LRFN5: variants seen among roughly 807,000 people sequenced by gnomAD.
The protein encoded by LRFN5 is leucine rich repeat and fibronectin type III domain containing 5.
LRFN5 carries 24 observed loss-of-function variants against 45.6 expected under a neutral mutation model. The ratio of observed to expected loss-of-function variants is 0.53; its 90% CI spans 0.38 to 0.74. LRFN5 has a LOEUF of 0.74. LRFN5 is among the 30% of genes least tolerant of loss of function. The pLI, the probability that LRFN5 is intolerant of heterozygous loss-of-function variation, is 0.00. For missense variants in LRFN5, 776 were observed against 861.5 expected (o/e 0.90, Z 1.24); for synonymous variants, 340 against 313.8 (o/e 1.08, Z -0.88).
intron 1 of LRFN5, among the ~76,000 whole-genome samples, chr14:41,621,321 A>G (rs1888128236): frequency 6.6e-6 from 1 of 152,138 alleles, no homozygotes; most frequent in Non-Finnish European, 1.5e-5. Flanking sequence ...AACTTTCTTG[A>G]ACAGGGTGAT....
At chr14:41,761,810 C>G (rs1458367671) in intron 1 of LRFN5, among the ~76,000 whole-genome samples, 1 of 152,062 alleles carries the variant, frequency 6.6e-6, no homozygotes, top group Non-Finnish European at 1.5e-5. Flanking sequence ...TTGATTCTAT[C>G]ATTTGACAAA....
Position 41,891,649 on chromosome 14 carries a change from A to T in LRFN5, c.1785A>T (p.Gly595=), listed in dbSNP as rs1890786100. 1.2e-6 allele frequency: 2 copies of T among 1,614,088 alleles called. No homozygotes were observed. Among genetic ancestry groups the T allele is most frequent in the Non-Finnish European group, 1.7e-6 (2 of 1,180,040 alleles). Residue 595 remains glycine, a synonymous_variant, in exon 4 of 6, where the codon GGA becomes GGT. Transcript: ENST00000298119. ...LPQSVSKQAV[G]HEENAQCCKA... ...AGTCCGTGTCCAAACAAGCTGTGGGACACGAAGAGAATGCCCAGTGTTGTA... is the reference window on the plus strand; with the variant it reads ...AGTCCGTGTCCAAACAAGCTGTGGGTCACGAAGAGAATGCCCAGTGTTGTA...
At chr14:41,806,967 G>A (rs1017893982) in intron 2 of LRFN5, among the ~76,000 whole-genome samples, 2 of 152,028 alleles carry the variant, frequency 1.3e-5, no homozygotes, top group African/African-American at 2.4e-5. Context: ...AAGTCTGAAC[G>A]CCTATGTGCT....
rs866943218 is a variant in LRFN5, at chr14:41,681,703, C to A, written c.-197+73141C>A. ...AGCAATAAGAAATCATCTAAAGGTA[C>A]AAGACTCACTAGTAAAAGTTAGTAC... On this transcript the variant is annotated intron_variant, in intron 1 of 5. Coordinates refer to ENST00000298119, the MANE Select transcript of LRFN5 (RefSeq NM_152447.5). 3.9e-5 allele frequency among the ~76,000 whole-genome samples: 6 copies of A among 151,942 alleles called. No individual in the cohort carries two copies. The South Asian group carries it at 1.2e-3, about 32-fold the overall frequency.
intron 1 of LRFN5, among the ~76,000 whole-genome samples, chr14:41,624,441 T>G (rs963003035): frequency 5.3e-5 from 8 of 152,074 alleles, no homozygotes; most frequent in African/African-American, 1.4e-4. Context: ...AAGAGAAACA[T>G]TAAACTAGAA....
At chr14:41,683,526 T>C (rs1021250336) in intron 1 of LRFN5, among the ~76,000 whole-genome samples, 4 of 152,132 alleles carry the variant, frequency 2.6e-5, no homozygotes, top group South Asian at 2.1e-4. Context: ...TGTTTGCAAA[T>C]GATATGATCT....
At chr14:41,743,126 G>A (rs546117848) in intron 1 of LRFN5, among the ~76,000 whole-genome samples, 2 of 152,176 alleles carry the variant, frequency 1.3e-5, no homozygotes, top group East Asian at 3.9e-4. Flanking sequence ...TGCTGTGTAT[G>A]TGTTCATTAT....
intron 1 of LRFN5, among the ~76,000 whole-genome samples, chr14:41,735,047 A>G (rs1432126292): frequency 6.6e-6 from 1 of 152,038 alleles, no homozygotes; most frequent in South Asian, 2.1e-4. Context: ...CATCATCGTA[A>G]ATATTTGATT....
At chr14:41,852,278 T>C (rs192262844) in intron 2 of LRFN5, among the ~76,000 whole-genome samples, 1 of 152,010 alleles carries the variant, frequency 6.6e-6, no homozygotes, top group African/African-American at 2.4e-5. Context: ...ATACTTCTTT[T>C]TTTGCATTTT....
At chr14:41,735,632 T>G (rs1385257100) in intron 1 of LRFN5, among the ~76,000 whole-genome samples, 6 of 152,294 alleles carry the variant, frequency 3.9e-5, no homozygotes, top group Admixed American at 2.0e-4. Flanking sequence ...ATACTTTAAA[T>G]TCTGGGATAC....
chr14:41,622,030 A>G (rs1308350440), intron 1 of LRFN5, among the ~76,000 whole-genome samples: 2 of 151,928 alleles, frequency 1.3e-5, no homozygotes, highest in Non-Finnish European at 2.9e-5. Flanking sequence ...GACTTGGCTC[A>G]TGTTACCATC....
At chr14:41,876,837 A>G (rs1890205405) in intron 2 of LRFN5, among the ~76,000 whole-genome samples, 1 of 152,134 alleles carries the variant, frequency 6.6e-6, no homozygotes, top group Non-Finnish European at 1.5e-5. Flanking sequence ...TTGGCTAAAT[A>G]AACCTCTATC....
chr14:41,669,967 AAT>A (rs1311484372), intron 1 of LRFN5, among the ~76,000 whole-genome samples: 13 of 139,894 alleles, frequency 9.3e-5, no homozygotes, highest in Admixed American at 7.8e-4. Context: ...TAAAGAAAAA[AAT>A]AGTTAAAAAT....
chr14:41,843,397 A>G (rs1275273899), intron 2 of LRFN5, among the ~76,000 whole-genome samples: 2 of 152,120 alleles, frequency 1.3e-5, no homozygotes, highest in African/African-American at 2.4e-5. Flanking sequence ...TCTTAATGAT[A>G]TCCTTCATAA....
chr14:41,719,618 T>C (rs1341362481), intron 1 of LRFN5, among the ~76,000 whole-genome samples: 1 of 152,034 alleles, frequency 6.6e-6, no homozygotes, highest in African/African-American at 2.4e-5. Flanking sequence ...CTAATCACTT[T>C]CTTGTTTCTG....
Position 41,724,261 on chromosome 14 carries a change from A to G in LRFN5, c.-196-42593A>G, listed in dbSNP as rs368170032. Reference sequence around the variant, plus strand: ...TCTTGCTGTTTTCAAGTGGCATGCTAAAATCCCCTGGTATTCCATCTTGGG... The same window carrying G: ...TCTTGCTGTTTTCAAGTGGCATGCTGAAATCCCCTGGTATTCCATCTTGGG... On this transcript the variant is annotated intron_variant, in intron 1 of 5. Transcript: ENST00000298119. 1.7e-3 allele frequency among the ~76,000 whole-genome samples: 255 copies of G among 152,324 alleles called. 6 individuals carry two copies. The South Asian group carries it at 0.051, about 31-fold the overall frequency.
intron 3 of LRFN5, among the ~76,000 whole-genome samples, chr14:41,889,049 GTA>G (rs1043842214): frequency 1.7e-4 from 25 of 146,302 alleles, no homozygotes; most frequent in East Asian, 2.0e-4. Flanking sequence ...ATACATGTGT[GTA>G]TATATATACA....
chr14:41,896,513 T>C (rs1447484943), intron 4 of LRFN5, among the ~76,000 whole-genome samples: 7 of 152,176 alleles, frequency 4.6e-5, no homozygotes, highest in Admixed American at 4.6e-4. Context: ...TTTATGTTGC[T>C]AATAATAACA....
intron 1 of LRFN5, among the ~76,000 whole-genome samples, chr14:41,759,582 T>C (rs1885571270): frequency 6.6e-6 from 1 of 151,950 alleles, no homozygotes; most frequent in African/African-American, 2.4e-5. Flanking sequence ...AGGTAAAGAC[T>C]CTGATTAACA....
Sources: allele counts gnomAD v4.1 joint callset (sites outside exome capture counted in the v4.1 genomes callset), GRCh38; gene constraint gnomAD v4.1.1; transcripts MANE v1.5; gene names NCBI Gene and HGNC (gene_info 2026-07-23, HGNC 2026-07-21).